EIF2S3: variants seen among roughly 807,000 people sequenced by gnomAD.
EIF2S3 encodes the protein eukaryotic translation initiation factor 2 subunit 3.
EIF2S3 carries 2 observed loss-of-function variants against 31.7 expected under a neutral mutation model. That is an observed-to-expected ratio of 0.06 (90% CI 0.03 to 0.20). The LOEUF (loss-of-function observed/expected upper bound fraction) is 0.20. Among genes scored for constraint, EIF2S3 ranks in the 10% least tolerant of loss-of-function variants. The pLI, the probability that EIF2S3 is intolerant of heterozygous loss-of-function variation, is 1.00. For missense variants in EIF2S3, 96 were observed against 359.3 expected, an observed-to-expected ratio of 0.27 and a Z score of 5.92; for synonymous variants, 120 against 126.7, an observed-to-expected ratio of 0.95 and a Z score of 0.36.
chrX:24,072,281 TTTTTG>T (rs763902414), intron 10 of EIF2S3, among the ~76,000 whole-genome samples: 19 of 109,802 alleles, frequency 1.7e-4, no homozygotes, highest in African/African-American at 6.3e-4. Context: ...AAAATCCATA[TTTTTG>T]TTTTGTTGTT....
chrX:24,060,863 T>C (rs1199608529), intron 5 of EIF2S3, among the ~76,000 whole-genome samples: 1 of 100,206 alleles, frequency 1.0e-5, no homozygotes, highest in South Asian at 4.5e-4. Flanking sequence ...CAGGAGAATC[T>C]CTTGAACCCG....
intron 7 of EIF2S3, among the ~76,000 whole-genome samples, chrX:24,064,753 C>T (rs932054823): frequency 9.0e-6 from 1 of 111,224 alleles, no homozygotes; most frequent in Non-Finnish European, 1.9e-5. Flanking sequence ...GGCGCGAACC[C>T]GGGAAGCGGA....
At chrX:24,062,335 T>A in intron 5 of EIF2S3, 81 bp from the exon 6 acceptor site, 1 of 1,067,085 alleles carries the variant, frequency 9.4e-7, no homozygotes, top group Non-Finnish European at 1.2e-6. Flanking sequence ...TAATTTGCTT[T>A]GTCTCTTTAT....
chrX:24,068,879 T>A (rs765156901), intron 9 of EIF2S3, among the ~76,000 whole-genome samples: 1 of 111,811 alleles, frequency 8.9e-6, no homozygotes, highest in African/African-American at 3.2e-5. Flanking sequence ...CTGAAGTGAT[T>A]TAAAAACTTT....
rs942014993 is a variant in EIF2S3 at position 24,067,776 on chromosome X, C to T, written c.868-188C>T. Among the ~76,000 whole-genome samples, 10 of 108,044 alleles carry T rather than the reference C, an allele frequency of 9.3e-5. 2 individuals carry two copies. The highest frequency in any genetic ancestry group is 9.2e-4 in the Admixed American group (9 of 9,813). The allele number at this position is 108,044 out of a possible 115,157, so 93.8% of individuals were successfully genotyped here. ...CTAATTTTTGTGTTTTTAGTAGAGACGGGGTTTCACTATGTTGGCTGGGCT... is the reference window on the plus strand; with the variant it reads ...CTAATTTTTGTGTTTTTAGTAGAGATGGGGTTTCACTATGTTGGCTGGGCT... On this transcript the variant is annotated intron_variant, in intron 8 of 11. Coordinates refer to ENST00000253039, the MANE Select transcript of EIF2S3 (RefSeq NM_001415.4).
intron 10 of EIF2S3, among the ~76,000 whole-genome samples, chrX:24,072,214 G>T (rs1767438603): frequency 9.0e-6 from 1 of 111,440 alleles, no homozygotes; most frequent in South Asian, 3.7e-4. Context: ...GTTTAAGAAA[G>T]AAACTTAATA....
chrX:24,073,310 T>C (rs768802041), intron 11 of EIF2S3, 47 bp downstream of exon 11: 3 of 1,167,497 alleles, frequency 2.6e-6, no homozygotes, highest in Non-Finnish European at 3.5e-6. Flanking sequence ...AAAGACACAG[T>C]CTTGTACAGA....
At chrX:24,059,073 T>C (rs1232212471) in intron 4 of EIF2S3, among the ~76,000 whole-genome samples, 2 of 112,418 alleles carry the variant, frequency 1.8e-5, no homozygotes, top group African/African-American at 6.5e-5. Flanking sequence ...ATTTTGCACT[T>C]GTCTCACTGT....
rs753061827 is a variant in EIF2S3, at chrX:24,064,184, T to C, written c.638-17T>C. On this transcript the variant is annotated splice_polypyrimidine_tract_variant and intron_variant, in intron 6 of 11. Coordinates refer to ENST00000253039, the MANE Select transcript of EIF2S3 (RefSeq NM_001415.4). Reference sequence around the variant, plus strand: ...TAAAACTGTATAATTTTGATCTTTCTAAATTTTGTCATATAGGTACAGTAG... The same window carrying C: ...TAAAACTGTATAATTTTGATCTTTCCAAATTTTGTCATATAGGTACAGTAG... 5 of 1,124,667 alleles carry C rather than the reference T, an allele frequency of 4.4e-6. No individual in the cohort carries two copies. The South Asian group carries it at 1.2e-4, about 27-fold the overall frequency. 92.7% of individuals were successfully genotyped at this position (1,124,667 alleles called of 1,213,427 possible).
At chrX:24,072,825 T>G (rs1228567839) in intron 10 of EIF2S3, among the ~76,000 whole-genome samples, 3 of 111,542 alleles carry the variant, frequency 2.7e-5, no homozygotes, top group African/African-American at 9.8e-5. Context: ...ATTTTGTACC[T>G]CATTTGTACT....
Position 24,071,737 on chromosome X carries a change from T to G in EIF2S3, c.1182+10T>G, listed in dbSNP as rs777590882. 35 of 1,204,886 alleles carry G rather than the reference T, an allele frequency of 2.9e-5. No homozygotes were observed. The highest frequency in any genetic ancestry group is 3.6e-5 in the Non-Finnish European group (32 of 892,272). On this transcript the variant is annotated intron_variant, in intron 10 of 11. Coordinates refer to ENST00000253039, the MANE Select transcript of EIF2S3 (RefSeq NM_001415.4). ...CAAGAAAGCAGCAAAGGTAAATGCT[T>G]TTTTAAAAATTCCTGTTTCTAAAAA...
chrX:24,067,097 G>C (rs1410604616), intron 8 of EIF2S3, among the ~76,000 whole-genome samples: 1 of 110,089 alleles, frequency 9.1e-6, no homozygotes, highest in African/African-American at 3.3e-5. Context: ...TTTGAGCACA[G>C]TGGCATGATC....
intron 11 of EIF2S3, among the ~76,000 whole-genome samples, chrX:24,075,928 T>C (rs999873757): frequency 7.3e-5 from 8 of 109,826 alleles, no homozygotes; most frequent in African/African-American, 2.3e-4. Context: ...GATCTCAAAC[T>C]CCTGGCCTCA....
Position 24,077,108 on chromosome X carries a change from G to A in EIF2S3, c.*323G>A. The A allele has an allele frequency of 1.3e-5, 2 of 152,703 alleles. No homozygotes were observed. Among genetic ancestry groups the A allele is most frequent in the Non-Finnish European group, 2.5e-5 (2 of 81,033 alleles). 12.6% of individuals were successfully genotyped at this position (152,703 alleles called of 1,213,427 possible). On this transcript the variant is annotated 3_prime_UTR_variant, in exon 12 of 12. Coordinates refer to ENST00000253039, the MANE Select transcript of EIF2S3 (RefSeq NM_001415.4). ...TTTATTTTGTTTTGTTTTTGAGTCTGGCTCTGTCACCCAGGCTGGAGTGCA... is the reference window on the plus strand; with the variant it reads ...TTTATTTTGTTTTGTTTTTGAGTCTAGCTCTGTCACCCAGGCTGGAGTGCA...
chrX:24,060,537 A>G (rs1930474030), intron 5 of EIF2S3: 1 of 206,924 alleles, frequency 4.8e-6, no homozygotes, highest in Non-Finnish European at 8.8e-6. Flanking sequence ...TGAACTGTCT[A>G]CTGTGGAAGT....
chrX:24,067,694 A>T (rs979227551), intron 8 of EIF2S3, among the ~76,000 whole-genome samples: 1 of 108,281 alleles, frequency 9.2e-6, no homozygotes, highest in Admixed American at 1.0e-4. Flanking sequence ...AGGTTCTAGC[A>T]ATTCTGCCGC....
intron 11 of EIF2S3, 32 bp downstream of exon 11, chrX:24,073,295 TA>T (rs2147131546): frequency 5.0e-6 from 6 of 1,202,160 alleles, no homozygotes; most frequent in Non-Finnish European, 5.6e-6. Flanking sequence ...ACTGTCTAAT[TA>T]AAAAAAGACA....
chrX:24,056,073 C>T (rs1701743110), intron 2 of EIF2S3, among the ~76,000 whole-genome samples: 2 of 111,463 alleles, frequency 1.8e-5, no homozygotes, highest in African/African-American at 6.5e-5. Context: ...TTAATTGGCA[C>T]CTAGAACTTT....
chrX:24,057,389 A>G (rs752231864), intron 2 of EIF2S3, 32 bp from the exon 3 acceptor site: 1 of 1,175,659 alleles, frequency 8.5e-7, no homozygotes, highest in Non-Finnish European at 1.1e-6. Flanking sequence ...AATTAAATAC[A>G]CATGAATTAA....
Sources: allele counts gnomAD v4.1 joint callset (sites outside exome capture counted in the v4.1 genomes callset), GRCh38; gene constraint gnomAD v4.1.1; transcripts MANE v1.5; gene names NCBI Gene and HGNC (gene_info 2026-07-23, HGNC 2026-07-21).